Variants in HIGD1C observed in about 807,000 individuals in gnomAD.
HIGD1C encodes HIG1 domain family member 1C.
In HIGD1C, 11 loss-of-function variants were observed where a neutral mutation model predicts 13.1. The observed-to-expected ratio is 0.84, with a 90% CI of 0.53 to 1.39. The LOEUF (loss-of-function observed/expected upper bound fraction) is 1.39, where lower values mean the gene tolerates loss of function less well. Ranked by LOEUF, HIGD1C falls within the 40% of genes most tolerant of loss-of-function variation. The probability of loss-of-function intolerance (pLI) is 0.00; values close to 1 mark genes in which losing one functional copy is unlikely to be tolerated. For missense variants in HIGD1C, 110 were observed against 112.0 expected (o/e 0.98, Z 0.08); for synonymous variants, 36 against 37.7 (o/e 0.95, Z 0.17).
chr12:50,955,938 C>T (rs1939076496), intron 1 of HIGD1C, among the ~76,000 whole-genome samples: 1 of 152,104 alleles, frequency 6.6e-6, no homozygotes, highest in African/African-American at 2.4e-5. Context: ...AAAAGTGTTT[C>T]CAGCTAAATT....
chr12:50,961,061 G>C (rs1440016066), exon 2 of HIGD1C: 13 of 1,613,088 alleles, frequency 8.1e-6, no homozygotes, highest in Admixed American at 1.7e-5. Context: ...ATTCACATGA[G>C]AGTTGCTGCC....
chr12:50,951,098 C>T (rs890147423), upstream of HIGD1C, among the ~76,000 whole-genome samples: 8 of 152,064 alleles, frequency 5.3e-5, no homozygotes, highest in African/African-American at 1.9e-4. Flanking sequence ...AAAAGTCTGA[C>T]AAATAACAGG....
At chr12:50,968,448 G>A (rs899347872) in intron 2 of HIGD1C, among the ~76,000 whole-genome samples, 6 of 152,012 alleles carry the variant, frequency 3.9e-5, no homozygotes, top group East Asian at 1.9e-4. Flanking sequence ...GTGCAGTGGC[G>A]TGATCACGGT....
the HIGD1C span, among the ~76,000 whole-genome samples, chr12:50,943,022 C>T: frequency 0.014 from 2,065 of 151,710 alleles, 52 homozygotes; most frequent in African/African-American, 0.046. Context: ...CCTGCCACCA[C>T]GCCCAGCTAA....
upstream of HIGD1C, chr12:50,949,032 G>T (rs991752526): frequency 7.3e-5 from 11 of 150,076 alleles, no homozygotes; most frequent in Admixed American, 7.4e-4. Context: ...CTCACATCTA[G>T]GAGAGCATTT....
At chr12:50,966,750 A>C (rs1456946694) in intron 2 of HIGD1C, among the ~76,000 whole-genome samples, 2 of 152,174 alleles carry the variant, frequency 1.3e-5, no homozygotes, top group African/African-American at 4.8e-5. Context: ...GACCCATTTC[A>C]TTTATGTCTG....
At chr12:50,967,595 A>G (rs554707395) in intron 2 of HIGD1C, among the ~76,000 whole-genome samples, 12 of 152,272 alleles carry the variant, frequency 7.9e-5, no homozygotes, top group Admixed American at 7.2e-4. Context: ...ATAATTTAAG[A>G]AACTATTTTG....
the HIGD1C span, among the ~76,000 whole-genome samples, chr12:50,947,600 C>A: frequency 4.8e-4 from 73 of 152,230 alleles, 1 homozygote; most frequent in South Asian, 0.012. Context: ...TTATTAGCAA[C>A]CTTAATTCCA....
At chr12:50,967,195 A>T (rs968469705) in intron 2 of HIGD1C, among the ~76,000 whole-genome samples, 1 of 151,794 alleles carries the variant, frequency 6.6e-6, no homozygotes, top group African/African-American at 2.4e-5. Flanking sequence ...GGCTCACTGC[A>T]GCCTCAAACT....
chr12:50,972,579 G>A (rs992385540), downstream of HIGD1C, among the ~76,000 whole-genome samples: 3 of 152,156 alleles, frequency 2.0e-5, no homozygotes, highest in Non-Finnish European at 2.9e-5. Flanking sequence ...ACAGAAGATG[G>A]GTGATTTCTC....
intron 1 of HIGD1C, among the ~76,000 whole-genome samples, chr12:50,955,478 T>C (rs1044648310): frequency 6.6e-6 from 1 of 152,218 alleles, no homozygotes; most frequent in Non-Finnish European, 1.5e-5. Flanking sequence ...CATGCCTGTT[T>C]CCTTGTGTTC....
At chr12:50,970,580 T>A, downstream of HIGD1C, 1 of 895,802 alleles carries the variant, frequency 1.1e-6, no homozygotes. Flanking sequence ...ATTTTCAATA[T>A]GTAGCAAATT....
chr12:50,943,069 T>A, the HIGD1C span, among the ~76,000 whole-genome samples: 149 of 151,714 alleles, frequency 9.8e-4, 1 homozygote, highest in African/African-American at 3.5e-3. Context: ...TTTCACCATG[T>A]TGGCCAGGCT....
chr12:50,946,947 T>C, the HIGD1C span, among the ~76,000 whole-genome samples: 1 of 152,166 alleles, frequency 6.6e-6, no homozygotes, highest in Non-Finnish European at 1.5e-5. Flanking sequence ...AAAGCCTTCA[T>C]TTTATGTCTG....
upstream of HIGD1C, among the ~76,000 whole-genome samples, chr12:50,951,772 A>T (rs1294854860): frequency 1.3e-5 from 2 of 151,800 alleles, no homozygotes; most frequent in African/African-American, 4.8e-5. Flanking sequence ...ATACAAAAAA[A>T]TTAGCCGGGC....
At chr12:50,959,399 T>C (rs906903224) in intron 1 of HIGD1C, among the ~76,000 whole-genome samples, 2 of 151,908 alleles carry the variant, frequency 1.3e-5, no homozygotes, top group Non-Finnish European at 2.9e-5. Flanking sequence ...GGATTATAGG[T>C]GTGAGCCACT....
chr12:50,954,129 A>G (rs1453076369), intron 1 of HIGD1C, 37 bp downstream of exon 3: 3 of 1,231,452 alleles, frequency 2.4e-6, no homozygotes, highest in Non-Finnish European at 3.6e-6. Context: ...GAAAACTGTA[A>G]TAACACAATG....
At chr12:50,955,095 C>A (rs1939043630) in intron 1 of HIGD1C, among the ~76,000 whole-genome samples, 1 of 152,100 alleles carries the variant, frequency 6.6e-6, no homozygotes, top group Non-Finnish European at 1.5e-5. Context: ...AATTCAAGAC[C>A]AGCCTGGCCA....
chr12:50,947,431 A>G, the HIGD1C span, among the ~76,000 whole-genome samples: 4 of 152,210 alleles, frequency 2.6e-5, no homozygotes, highest in Non-Finnish European at 5.9e-5. Flanking sequence ...TCCTTGGCAC[A>G]TGGTTCCTTC....
Sources: gnomAD v4.1 joint callset for allele counts (sites outside exome capture counted in the v4.1 genomes callset) on GRCh38, gnomAD v4.1.1 for gene constraint, MANE v1.5 for transcripts, NCBI Gene and HGNC (gene_info 2026-07-23, HGNC 2026-07-21) for gene names.